The following MTMR3 variants were observed in gnomAD, a reference collection of about 807,000 sequenced individuals.
MTMR3 encodes the protein phosphatidylinositol-3,5-bisphosphate 3-phosphatase MTMR3.
A neutral mutation model predicts 132.4 loss-of-function variants in MTMR3; 32 were observed. That is an observed-to-expected ratio of 0.24 (90% confidence interval 0.18 to 0.32). The LOEUF (loss-of-function observed/expected upper bound fraction) is 0.32, where lower values mean the gene tolerates loss of function less well. MTMR3 is among the 10% of genes least tolerant of loss of function. The probability of loss-of-function intolerance (pLI) is 1.00; values close to 1 mark genes in which losing one functional copy is unlikely to be tolerated. For synonymous variants in MTMR3, 556 were observed against 550.3 expected, an observed-to-expected ratio of 1.01 and a Z score of -0.14; for missense variants, 1,216 against 1,489.6, an observed-to-expected ratio of 0.82 and a Z score of 3.02.
rs183052195 is a variant in MTMR3 at position 29,898,578 on chromosome 22, T to G, written c.-138+15219T>G. On this transcript the variant is annotated intron_variant, in intron 1 of 19. Transcript: ENST00000401950. ...CCACCATTCCCTGCTAATTTTTGTA[T>G]TTTTTGTAGAGACTGGGTTTTGTCC... 1.9e-4 allele frequency among the ~76,000 whole-genome samples: 29 copies of G among 152,264 alleles called. No homozygotes were observed. In the East Asian group the frequency reaches 5.6e-3, roughly 29 times the overall value.
chr22:29,983,960 T>TTATTA (rs1326949941), intron 5 of MTMR3: 2 of 151,402 alleles, frequency 1.3e-5, no homozygotes, highest in East Asian at 3.9e-4. Context: ...TATTTTTATT[T>TTATTA]TATTATATTT....
intron 1 of MTMR3, among the ~76,000 whole-genome samples, chr22:29,906,203 T>G (rs539628726): frequency 2.7e-4 from 41 of 152,298 alleles, no homozygotes; most frequent in African/African-American, 5.3e-4. Context: ...AAGAGACCAG[T>G]ACTGTACACA....
At chr22:29,965,499 A>G (rs1301853562) in intron 2 of MTMR3, among the ~76,000 whole-genome samples, 3 of 152,268 alleles carry the variant, frequency 2.0e-5, no homozygotes, top group Non-Finnish European at 4.4e-5. Context: ...AGCCTGATCA[A>G]CATGGTGAAA....
intron 15 of MTMR3, 48 bp downstream of exon 15, chr22:30,016,746 G>A (rs2067601421): frequency 6.4e-7 from 1 of 1,567,280 alleles, no homozygotes; most frequent in East Asian, 2.3e-5. Flanking sequence ...AGGAATTTGG[G>A]GTTGGTTACA....
rs1287395479 is a variant in MTMR3, at chr22:30,030,816, T to G, written c.*5015T>G. 2.6e-5 allele frequency: 4 copies of G among 152,286 alleles called. No individual in the cohort carries two copies. Among genetic ancestry groups the G allele is most frequent in the Non-Finnish European group, 5.9e-5 (4 of 68,028 alleles). 9.4% of individuals were successfully genotyped at this position (152,286 alleles called of 1,614,324 possible). A position where few individuals can be genotyped will look rare whatever the true frequency, so the allele number is the denominator to read the frequency against. ...TATTAGATTTAAAAGTAAGATCTGG[T>G]ATGAAGAAAGGTTTTGTTTGTTTCT... On this transcript the variant is annotated 3_prime_UTR_variant, in exon 20 of 20. Coordinates refer to ENST00000401950, the MANE Select transcript of MTMR3 (RefSeq NM_021090.4).
chr22:30,025,890 T>C lies in MTMR3; in HGVS notation c.*89T>C, dbSNP rs112814851. The C allele has an allele frequency of 2.1e-3, 2,966 of 1,411,274 alleles. 52 individuals are homozygous for C. The African/African-American group carries it at 0.035, about 17-fold the overall frequency. 87.4% of individuals were successfully genotyped at this position (1,411,274 alleles called of 1,614,324 possible). A position where few individuals can be genotyped will look rare whatever the true frequency, so the allele number is the denominator to read the frequency against. ...GGCAGACCGAGAGGCCCGTGCACTTTGGAATGGGAGCGTGGAACCACCTGT... is the reference window on the plus strand; with the variant it reads ...GGCAGACCGAGAGGCCCGTGCACTTCGGAATGGGAGCGTGGAACCACCTGT... On this transcript the variant is annotated 3_prime_UTR_variant, in exon 20 of 20. Transcript: ENST00000401950.
At chr22:29,961,285 C>G (rs548192101) in intron 2 of MTMR3, among the ~76,000 whole-genome samples, 5 of 151,994 alleles carry the variant, frequency 3.3e-5, no homozygotes, top group Middle Eastern at 3.4e-3. Flanking sequence ...GTGGTTGTTG[C>G]GGCTTTTTTG....
At position 30,007,947 on chromosome 22, in the gene MTMR3, A is replaced by G. The variant is rs764947213; in HGVS notation, c.924A>G (p.Gln308=). ...NASGAESLAI[Q]PQKLLILDAR... is the part of the protein sequence containing the mutation. ...CAGGAGCAGAGAGTTTAGCCATCCA[A>G]CCGCAGAAGCTTTTGATCTTGGATG... Residue 308 remains glutamine (Q), a synonymous_variant, in exon 11 of 20, where the codon CAA becomes CAG. Transcript: ENST00000401950. 2 of 1,612,994 alleles carry G rather than the reference A, an allele frequency of 1.2e-6. No individual in the cohort carries two copies. The highest frequency in any genetic ancestry group is 3.3e-5 in the Admixed American group (2 of 59,826).
At position 29,948,881 on chromosome 22, in the gene MTMR3, G is replaced by T. The variant is rs149302945; in HGVS notation, c.-137-8155G>T. On this transcript the variant is annotated intron_variant, in intron 1 of 19. Coordinates refer to ENST00000401950, the MANE Select transcript of MTMR3 (RefSeq NM_021090.4). ...ACACTTTGGGAGGCTGAGGCAGGAG[G>T]ATTGCTTGAGCCTAGGAGTTCAAGA... Among the ~76,000 whole-genome samples the T allele has an allele frequency of 2.5e-3, 378 of 151,584 alleles. 1 individual carries two copies. Among genetic ancestry groups the T allele is most frequent in the African/African-American group, 8.6e-3 (356 of 41,324 alleles).
intron 5 of MTMR3, chr22:29,982,937 T>TTTTTTTTTTTTTTGTGTG (rs752531735): frequency 5.5e-5 from 8 of 146,278 alleles, no homozygotes; most frequent in African/African-American, 2.1e-4. Flanking sequence ...AAAAGTTTGT[T>TTTTTTTTTTTTTTGTGTG]TGTGTGTGTG....
chr22:29,982,953 GTGTGTGTGTGTGTGTGTGTGTGTA>G (rs1471657695), intron 5 of MTMR3: 1 of 151,186 alleles, frequency 6.6e-6, no homozygotes, highest in Non-Finnish European at 1.5e-5. Flanking sequence ...GTGTGTGTGT[GTGTGTGTGTGTGTGTGTGTGTGTA>G]TGTGTTTGTA....
At chr22:29,893,447 A>G (rs1461389172) in intron 1 of MTMR3, among the ~76,000 whole-genome samples, 1 of 152,218 alleles carries the variant, frequency 6.6e-6, no homozygotes, top group Non-Finnish European at 1.5e-5. Flanking sequence ...CTTTGCGTAC[A>G]TAATGGTTCC....
At chr22:30,004,365 T>C (rs1287269686) in intron 9 of MTMR3, 5 of 152,282 alleles carry the variant, frequency 3.3e-5, no homozygotes, top group Admixed American at 6.5e-5. Context: ...CTTGCTGACT[T>C]TGACCAAAAG....
Position 30,009,069 on chromosome 22 carries a change from C to A in MTMR3, c.1061C>A (p.Ser354Tyr). Residue 354 changes from serine to tyrosine, a missense_variant, in exon 12 of 20, where the codon TCT becomes TAT. This residue lies in a region of MTMR3 where 106 missense variants were observed against 209.5 expected (regional missense o/e 0.51). Transcript: ENST00000401950. Reference sequence around the variant, plus strand: ...TTTATGGGGATGGCAAACATTCATTCTATTCGGAGGAGTTTTCAGTCTCTG... The same window carrying A: ...TTTATGGGGATGGCAAACATTCATTATATTCGGAGGAGTTTTCAGTCTCTG... ...VVFMGMANIH[S>Y]IRRSFQSLRL... 1 of 1,613,910 alleles carries A rather than the reference C, an allele frequency of 6.2e-7. No individual in the cohort carries two copies. The highest frequency in any genetic ancestry group is 8.5e-7 in the Non-Finnish European group (1 of 1,179,764).
intron 1 of MTMR3, among the ~76,000 whole-genome samples, chr22:29,915,909 T>C (rs1301999665): frequency 6.6e-6 from 1 of 152,196 alleles, no homozygotes; most frequent in South Asian, 2.1e-4. Flanking sequence ...AGTGGAGATA[T>C]ACTTATTTGT....
At chr22:29,898,163 G>C (rs2064939342) in intron 1 of MTMR3, among the ~76,000 whole-genome samples, 1 of 152,032 alleles carries the variant, frequency 6.6e-6, no homozygotes. Flanking sequence ...TTTAATAGCT[G>C]TATAGTATTC....
chr22:29,973,354 A>C (rs1015163739), intron 3 of MTMR3, among the ~76,000 whole-genome samples: 5 of 152,252 alleles, frequency 3.3e-5, no homozygotes, highest in Non-Finnish European at 7.3e-5. Flanking sequence ...ATTCAGCTGC[A>C]GTAATCATAA....
intron 1 of MTMR3, among the ~76,000 whole-genome samples, chr22:29,883,946 A>G (rs2064609008): frequency 6.6e-6 from 1 of 151,880 alleles, no homozygotes; most frequent in African/African-American, 2.4e-5. Flanking sequence ...AACTGAGGGA[A>G]CCCTGGTCAG....
chr22:30,007,957 C>G lies in MTMR3; in HGVS notation c.934C>G (p.Leu312Val), dbSNP rs745785947. The change falls in exon 11 of 20, where the codon CTT (leucine) becomes GTT (valine). Residue 312 changes from leucine (L) to valine (V), a missense_variant. Transcript: ENST00000401950. ...GAGTTTAGCCATCCAACCGCAGAAG[C>G]TTTTGATCTTGGATGCACGCTCCTA... is the stretch of plus-strand genomic sequence containing the variant. ...AESLAIQPQK[L>V]LILDARSYAA... The G allele has an allele frequency of 4.3e-6, 7 of 1,613,528 alleles. No individual in the cohort carries two copies. The highest frequency in any genetic ancestry group is 3.3e-5 in the Admixed American group (2 of 59,980).
Sources: allele counts gnomAD v4.1 joint callset (sites outside exome capture counted in the v4.1 genomes callset), GRCh38; gene constraint gnomAD v4.1.1; regional missense constraint gnomAD v4.1.1; transcripts MANE v1.5; gene names NCBI Gene and HGNC (gene_info 2026-07-23, HGNC 2026-07-21).